The following RUNX2 variants were observed in gnomAD, a reference collection of about 807,000 sequenced individuals.
RUNX2 encodes the protein RUNX family transcription factor 2, also known as runt-related transcription factor 2.
A neutral mutation model predicts 51.7 loss-of-function variants in RUNX2; 10 were observed. The ratio of observed to expected loss-of-function variants is 0.19; its 90% CI spans 0.12 to 0.33. RUNX2 has a LOEUF of 0.33. Ranked by LOEUF, RUNX2 falls within the 10% of genes least tolerant of loss-of-function variation. The probability of loss-of-function intolerance (pLI) is 1.00; values close to 1 mark genes in which losing one functional copy is unlikely to be tolerated. For synonymous variants in RUNX2, 276 were observed against 273.6 expected (o/e 1.01, Z -0.09); for missense variants, 562 against 691.3 (o/e 0.81, Z 2.10).
At chr6:45,398,471 A>G (rs1296929394) in intron 2 of RUNX2, among the ~76,000 whole-genome samples, 1 of 152,240 alleles carries the variant, frequency 6.6e-6, no homozygotes, top group Non-Finnish European at 1.5e-5. Context: ...ACCAATATAT[A>G]TAACATTACA....
intron 2 of RUNX2, among the ~76,000 whole-genome samples, chr6:45,373,753 A>G (rs1338350312): frequency 3.9e-5 from 6 of 152,122 alleles, no homozygotes; most frequent in Admixed American, 3.3e-4. Flanking sequence ...GGGTTTCGCC[A>G]TGTTGGCCAG....
At position 45,496,531 on chromosome 6, in the gene RUNX2, G is replaced by A. The variant is rs550350264; in HGVS notation, c.859+4417G>A. 3.3e-5 allele frequency among the ~76,000 whole-genome samples: 5 copies of A among 152,310 alleles called. No individual in the cohort carries two copies. In the East Asian group the frequency reaches 7.7e-4, roughly 24 times the overall value. ...CTAGGTAACAACTCGGAGAGGGAAG[G>A]AGCTAATTTTGATTGGAAAGTTGAG... On this transcript the variant is annotated intron_variant, in intron 6 of 8. Coordinates refer to ENST00000647337, the MANE Select transcript of RUNX2 (RefSeq NM_001024630.4).
chr6:45,519,407 A>C (rs1177374060), intron 7 of RUNX2, among the ~76,000 whole-genome samples: 1 of 152,136 alleles, frequency 6.6e-6, no homozygotes, highest in African/African-American at 2.4e-5. Flanking sequence ...TAACGTCCAT[A>C]GTTTACACAG....
chr6:45,526,524 A>G (rs1801679036), intron 7 of RUNX2, among the ~76,000 whole-genome samples: 2 of 152,234 alleles, frequency 1.3e-5, no homozygotes, highest in South Asian at 4.1e-4. Flanking sequence ...CTATTTAAAG[A>G]AAATATGATT....
intron 2 of RUNX2, among the ~76,000 whole-genome samples, chr6:45,334,247 A>AT (rs1255086558): frequency 6.6e-6 from 1 of 151,198 alleles, no homozygotes; most frequent in East Asian, 1.9e-4. Context: ...AGTTACATCG[A>AT]TTTTTTACAT....
chr6:45,463,466 G>C (rs1477514481), intron 5 of RUNX2, among the ~76,000 whole-genome samples: 1 of 152,168 alleles, frequency 6.6e-6, no homozygotes, highest in Non-Finnish European at 1.5e-5. Flanking sequence ...TCTAGCTGGG[G>C]AGAAAAATTC....
At chr6:45,526,981 A>C (rs1196506068) in intron 7 of RUNX2, among the ~76,000 whole-genome samples, 4 of 152,250 alleles carry the variant, frequency 2.6e-5, no homozygotes, top group African/African-American at 9.6e-5. Flanking sequence ...AGGGTGGGCA[A>C]TTGAAAATAA....
At chr6:45,343,258 C>G (rs1581736287) in intron 2 of RUNX2, among the ~76,000 whole-genome samples, 1 of 152,164 alleles carries the variant, frequency 6.6e-6, no homozygotes, top group East Asian at 1.9e-4. Flanking sequence ...ACCTGTAATC[C>G]CAGCACTTTG....
At chr6:45,417,356 G>T (rs997599435) in intron 2 of RUNX2, among the ~76,000 whole-genome samples, 3 of 152,156 alleles carry the variant, frequency 2.0e-5, no homozygotes, top group Non-Finnish European at 4.4e-5. Flanking sequence ...GACATATGGA[G>T]ATGTGTAAGA....
At chr6:45,355,567 T>G (rs937259158) in intron 2 of RUNX2, among the ~76,000 whole-genome samples, 12 of 152,246 alleles carry the variant, frequency 7.9e-5, no homozygotes, top group Non-Finnish European at 1.2e-4. Flanking sequence ...TCATGCTACC[T>G]TAATCACTCA....
intron 7 of RUNX2, among the ~76,000 whole-genome samples, chr6:45,538,884 G>T (rs1020100710): frequency 2.6e-5 from 4 of 152,126 alleles, no homozygotes; most frequent in Non-Finnish European, 5.9e-5. Context: ...CACCGTGGGT[G>T]GCCCCTTCTG....
At chr6:45,373,578 G>A (rs1233872681) in intron 2 of RUNX2, among the ~76,000 whole-genome samples, 1 of 152,052 alleles carries the variant, frequency 6.6e-6, no homozygotes, top group Admixed American at 6.6e-5. Flanking sequence ...TTGAGACAGA[G>A]TATTGCTCTG....
At position 45,455,093 on chromosome 6, in the gene RUNX2, G is replaced by A. The variant is rs562326596; in HGVS notation, c.685+17042G>A. Among the ~76,000 whole-genome samples the A allele has an allele frequency of 1.1e-4, 17 of 152,292 alleles. No individual in the cohort carries two copies. The South Asian group carries it at 2.9e-3, about 26-fold the overall frequency. ...CGTGCCATTGCACTCCAGCCTGGGC[G>A]ACAGTGAGACTTTGGGAAGAAAAAA... On this transcript the variant is annotated intron_variant, in intron 5 of 8. Coordinates refer to ENST00000647337, the MANE Select transcript of RUNX2 (RefSeq NM_001024630.4).
intron 2 of RUNX2, among the ~76,000 whole-genome samples, chr6:45,393,679 C>G (rs894759201): frequency 6.6e-6 from 1 of 152,146 alleles, no homozygotes; most frequent in Admixed American, 6.5e-5. Flanking sequence ...CTACCCACCT[C>G]GGCCTCCCAA....
At chr6:45,546,712 G>T (rs1377126083) in intron 8 of RUNX2, 115 bp from the exon 9 acceptor site, 2 of 890,100 alleles carry the variant, frequency 2.2e-6, no homozygotes, top group Non-Finnish European at 3.6e-6. Flanking sequence ...TCTGTGGCTT[G>T]CTGTTCCTTT....
chr6:45,467,412 A>C (rs915600005), intron 5 of RUNX2, among the ~76,000 whole-genome samples: 1 of 151,974 alleles, frequency 6.6e-6, no homozygotes, highest in African/African-American at 2.4e-5. Context: ...CTCCCAAGTA[A>C]CTGGGACTAC....
chr6:45,545,118 C>G (rs1196633124), intron 7 of RUNX2, 99 bp from the exon 8 acceptor site: 2 of 971,640 alleles, frequency 2.1e-6, no homozygotes, highest in East Asian at 2.6e-5. Flanking sequence ...CTGTCTACCC[C>G]TCCCCTAAGG....
intron 5 of RUNX2, among the ~76,000 whole-genome samples, chr6:45,479,035 C>T (rs1182845148): frequency 2.6e-5 from 4 of 151,976 alleles, no homozygotes; most frequent in East Asian, 3.9e-4. Context: ...TTAAGGTGCA[C>T]GCAATAGGAC....
chr6:45,393,473 C>T (rs111514840), intron 2 of RUNX2, among the ~76,000 whole-genome samples: 13,519 of 151,966 alleles, frequency 0.089, 778 homozygotes, highest in South Asian at 0.18. Flanking sequence ...CTGCATAGCC[C>T]AGGCTGGAGT....
Sources: allele counts gnomAD v4.1 joint callset (sites outside exome capture counted in the v4.1 genomes callset), GRCh38; gene constraint gnomAD v4.1.1; transcripts MANE v1.5; gene names NCBI Gene and HGNC (gene_info 2026-07-23, HGNC 2026-07-21).